TACR1: variants seen among roughly 807,000 people sequenced by gnomAD.
The protein encoded by TACR1 is substance-P receptor.
A neutral mutation model predicts 35.8 loss-of-function variants in TACR1; 25 were observed. That is an observed-to-expected ratio of 0.70 (90% CI 0.51 to 0.98). TACR1 has a LOEUF of 0.98. Among genes scored for constraint, TACR1 ranks in the 50% least tolerant of loss-of-function variants. TACR1 has a pLI of 0.00. For synonymous variants in TACR1, 195 were observed against 206.7 expected (o/e 0.94, Z 0.48); for missense variants, 478 against 522.9 (o/e 0.91, Z 0.84).
chr2:75,179,741 A>G (rs1277676824), intron 1 of TACR1, among the ~76,000 whole-genome samples: 1 of 152,208 alleles, frequency 6.6e-6, no homozygotes, highest in African/African-American at 2.4e-5. Flanking sequence ...GTAGCAACCA[A>G]GGAGCTCAGG....
chr2:75,094,857 A>ATT (rs1414426554), intron 2 of TACR1, among the ~76,000 whole-genome samples: 23 of 91,132 alleles, frequency 2.5e-4, no homozygotes, highest in Non-Finnish European at 3.8e-4. Flanking sequence ...ATATATATAT[A>ATT]TATTTTTTTT....
At chr2:75,161,877 A>G (rs563776930) in intron 1 of TACR1, among the ~76,000 whole-genome samples, 1 of 152,112 alleles carries the variant, frequency 6.6e-6, no homozygotes, top group East Asian at 1.9e-4. Flanking sequence ...GCTTATGGAT[A>G]TTGAGCTATA....
intron 1 of TACR1, among the ~76,000 whole-genome samples, chr2:75,141,253 A>C (rs1472436292): frequency 1.3e-5 from 2 of 152,338 alleles, no homozygotes; most frequent in East Asian, 3.9e-4. Context: ...AGCAGAACAA[A>C]GCCAACTCAT....
At chr2:75,188,295 C>T (rs910002698) in intron 1 of TACR1, 11 of 152,186 alleles carry the variant, frequency 7.2e-5, no homozygotes, top group African/African-American at 2.7e-4. Flanking sequence ...TGTTTCTCTA[C>T]AGTAAAATAA....
At chr2:75,154,414 A>ACGCG (rs1558572302) in intron 1 of TACR1, 3 of 81,200 alleles carry the variant, frequency 3.7e-5, no homozygotes, top group African/African-American at 1.0e-4. Flanking sequence ...GCGCACGCAC[A>ACGCG]CACACACACA....
chr2:75,081,957 C>T (rs1021850918), intron 2 of TACR1, among the ~76,000 whole-genome samples: 7 of 150,224 alleles, frequency 4.7e-5, no homozygotes, highest in African/African-American at 1.7e-4. Flanking sequence ...TTCTAGGGTA[C>T]ATGTGCACAA....
At chr2:75,151,571 C>CT (rs1323009228) in intron 1 of TACR1, among the ~76,000 whole-genome samples, 5 of 152,206 alleles carry the variant, frequency 3.3e-5, no homozygotes, top group African/African-American at 1.2e-4. Flanking sequence ...ATGGAAGTAC[C>CT]TGGATGCCCA....
At chr2:75,055,348 G>A (rs1672548038) in intron 2 of TACR1, among the ~76,000 whole-genome samples, 1 of 152,234 alleles carries the variant, frequency 6.6e-6, no homozygotes, top group African/African-American at 2.4e-5. Context: ...GAGTGCATGT[G>A]TTCTGTGCAG....
intron 1 of TACR1, among the ~76,000 whole-genome samples, chr2:75,178,458 T>C (rs1322014592): frequency 6.6e-6 from 1 of 152,130 alleles, no homozygotes; most frequent in Non-Finnish European, 1.5e-5. Context: ...GTGCTGGGAT[T>C]ACAGGCGTGA....
rs116780879 is a variant in TACR1 at position 75,190,933 on chromosome 2, G to A, written c.389+7613C>T. Reference sequence around the variant, plus strand: ...AAAGCTGAATTGGAAAGTAGATTAAGAACTATACAAGAGAAGGGCAGGGGA... The same window carrying A: ...AAAGCTGAATTGGAAAGTAGATTAAAAACTATACAAGAGAAGGGCAGGGGA... On this transcript the variant is annotated intron_variant, in intron 1 of 4. Transcript: ENST00000305249. 7.3e-3 allele frequency among the ~76,000 whole-genome samples: 1,112 copies of A among 152,300 alleles called. 11 individuals carry two copies. Among genetic ancestry groups the A allele is most frequent in the African/African-American group, 0.026 (1,069 of 41,568 alleles).
intron 2 of TACR1, among the ~76,000 whole-genome samples, chr2:75,110,164 G>C (rs1429087931): frequency 2.6e-5 from 4 of 152,018 alleles, no homozygotes; most frequent in African/African-American, 7.2e-5. Flanking sequence ...AAATCAGATG[G>C]TATCAGATTT....
intron 1 of TACR1, among the ~76,000 whole-genome samples, chr2:75,174,238 G>T (rs1401499615): frequency 6.6e-6 from 1 of 152,220 alleles, no homozygotes; most frequent in Admixed American, 6.5e-5. Context: ...TCTACTGAAA[G>T]CACTTGCTAA....
chr2:75,176,975 G>C (rs1472287567), intron 1 of TACR1, among the ~76,000 whole-genome samples: 3 of 152,032 alleles, frequency 2.0e-5, no homozygotes, highest in Non-Finnish European at 2.9e-5. Context: ...CTTCTTCAAA[G>C]ATTTCCTTCA....
At chr2:75,061,743 C>A (rs181061538) in intron 2 of TACR1, among the ~76,000 whole-genome samples, 1 of 152,106 alleles carries the variant, frequency 6.6e-6, no homozygotes, top group Non-Finnish European at 1.5e-5. Flanking sequence ...GAAGAACTGG[C>A]GTCACAGGAT....
At chr2:75,065,113 G>A (rs1171995760) in intron 2 of TACR1, among the ~76,000 whole-genome samples, 4 of 152,338 alleles carry the variant, frequency 2.6e-5, no homozygotes, top group Admixed American at 2.0e-4. Context: ...TGTGAGGCAG[G>A]TAACTGCCAC....
At chr2:75,148,624 C>CT (rs1185024659) in intron 1 of TACR1, among the ~76,000 whole-genome samples, 1 of 151,966 alleles carries the variant, frequency 6.6e-6, no homozygotes, top group Non-Finnish European at 1.5e-5. Flanking sequence ...GATATTAGAC[C>CT]TTTGTCAGAT....
rs950662025 is a variant in TACR1 at position 75,068,913 on chromosome 2, A to T, written c.585-15158T>A. 2.0e-5 allele frequency among the ~76,000 whole-genome samples: 3 copies of T among 152,188 alleles called. No homozygotes were observed. In the East Asian group the frequency reaches 5.8e-4, roughly 29 times the overall value. ...CATCAGTATGGCATACATACTTTTT[A>T]AAATTATATGTACATGATACTGTTT... On this transcript the variant is annotated intron_variant, in intron 2 of 4. Coordinates refer to ENST00000305249, the MANE Select transcript of TACR1 (RefSeq NM_001058.4).
In TACR1 at chr2:75,059,137, G is replaced by A. The variant is rs374601519; in HGVS notation, c.585-5382C>T. Among the ~76,000 whole-genome samples the A allele has an allele frequency of 3.9e-5, 6 of 152,280 alleles. No homozygotes were observed. The South Asian group carries it at 1.2e-3, about 32-fold the overall frequency. On this transcript the variant is annotated intron_variant, in intron 2 of 4. Transcript: ENST00000305249. Reference sequence around the variant, plus strand: ...AAATTTCAGCTGTTACAGAAAGGTCGAAGAGCATTGATAGAATCCCAACCC... The same window carrying A: ...AAATTTCAGCTGTTACAGAAAGGTCAAAGAGCATTGATAGAATCCCAACCC...
At chr2:75,173,726 A>G (rs1195950525) in intron 1 of TACR1, among the ~76,000 whole-genome samples, 2 of 152,240 alleles carry the variant, frequency 1.3e-5, no homozygotes, top group African/African-American at 4.8e-5. Context: ...CACTACAATT[A>G]TCTACTCTTT....
Sources: gnomAD v4.1 joint callset for allele counts (sites outside exome capture counted in the v4.1 genomes callset) on GRCh38, gnomAD v4.1.1 for gene constraint, MANE v1.5 for transcripts, NCBI Gene and HGNC (gene_info 2026-07-23, HGNC 2026-07-21) for gene names.